ATP2C1: variants seen among roughly 807,000 people sequenced by gnomAD.
ATP2C1 encodes calcium-transporting ATPase type 2C member 1.
A neutral mutation model predicts 120.5 loss-of-function variants in ATP2C1; 31 were observed. The observed-to-expected ratio is 0.26, with a 90% CI of 0.19 to 0.35. The LOEUF is 0.35. ATP2C1 is among the 10% of genes least tolerant of loss of function. The pLI is 1.00. For missense variants in ATP2C1, 731 were observed against 1,107.5 expected (o/e 0.66, Z 4.83); for synonymous variants, 351 against 358.7 (o/e 0.98, Z 0.24).
Position 130,999,639 on chromosome 3 carries a change from C to A in ATP2C1, c.2609C>A (p.Thr870Asn). ...CCTCCGCTTCAGAAGGTTTTTCAGA[C>A]TGAGAGCCTAAGCATACTGGGTAAA... ...YFPPLQKVFQTESLSILDLLF... is the reference protein window; with the variant it reads ...YFPPLQKVFQNESLSILDLLF... The change falls in exon 27 of 28, where the codon ACT (threonine) becomes AAT (asparagine). Residue 870 changes from threonine to asparagine, a missense_variant. Thr to Asn is a moderately conservative substitution (Grantham distance 65, BLOSUM62 0). Around this residue, in one of 3 missense-constraint regions of ATP2C1, gnomAD observed 141 missense variants for 201.6 expected, o/e 0.70. Coordinates refer to ENST00000510168, the MANE Select transcript of ATP2C1 (RefSeq NM_001378687.1). 6.2e-7 allele frequency: 1 copy of A among 1,612,944 alleles called. No homozygotes were observed. The highest frequency in any genetic ancestry group is 8.5e-7 in the Non-Finnish European group (1 of 1,179,126).
At chr3:130,877,106 C>T (rs889338111) in intron 1 of ATP2C1, among the ~76,000 whole-genome samples, 31 of 152,128 alleles carry the variant, frequency 2.0e-4, no homozygotes, top group Non-Finnish European at 4.1e-4. Flanking sequence ...ATTTATTTCT[C>T]TTGCCTAATC....
At chr3:130,868,450 C>T (rs1448689406) in intron 1 of ATP2C1, 1 of 112,190 alleles carries the variant, frequency 8.9e-6, no homozygotes. Flanking sequence ...CCTGGCCAGC[C>T]GCCCCGTCCG....
At chr3:131,008,932 A>G (rs2063213635) in intron 26 of ATP2C1, among the ~76,000 whole-genome samples, 1 of 152,158 alleles carries the variant, frequency 6.6e-6, no homozygotes, top group Non-Finnish European at 1.5e-5. Flanking sequence ...CACATTATCA[A>G]GGCTTCTTGT....
intron 11 of ATP2C1, 72 bp from the exon 12 acceptor site, chr3:130,959,203 C>A (rs1019999013): frequency 2.6e-6 from 3 of 1,146,970 alleles, no homozygotes; most frequent in South Asian, 1.3e-5. Flanking sequence ...GTTTTAGATT[C>A]CTTCAGCTTG....
chr3:130,928,613 A>G (rs2059320763), intron 2 of ATP2C1, among the ~76,000 whole-genome samples: 2 of 152,204 alleles, frequency 1.3e-5, no homozygotes, highest in African/African-American at 4.8e-5. Flanking sequence ...TTTAGTCTGT[A>G]TTGACCTTGT....
chr3:130,930,301 A>G (rs1282673478), intron 2 of ATP2C1, 115 bp from the exon 3 acceptor site: 1 of 737,730 alleles, frequency 1.4e-6, no homozygotes, highest in South Asian at 1.5e-5. Context: ...ATTAGTCTGA[A>G]ATATTTTTCT....
chr3:130,979,173 A>C (rs1024768686), intron 18 of ATP2C1, 76 bp from the exon 19 acceptor site: 28 of 1,445,598 alleles, frequency 1.9e-5, no homozygotes, highest in Non-Finnish European at 2.4e-5. Flanking sequence ...ACTGTCTCCA[A>C]TTTCTATCAA....
At chr3:130,867,296 GTCCCTC>G (rs59581010) in intron 1 of ATP2C1, among the ~76,000 whole-genome samples, 1,812 of 134,942 alleles carry the variant, frequency 0.013, 60 homozygotes, top group African/African-American at 0.039. Context: ...AGAAATGATT[GTCCCTC>G]TCCCTCTCCC....
chr3:130,952,870 G>C (rs1350073911), intron 8 of ATP2C1, among the ~76,000 whole-genome samples: 2 of 152,174 alleles, frequency 1.3e-5, no homozygotes, highest in African/African-American at 4.8e-5. Flanking sequence ...GTTTGAGGTG[G>C]AGCAAAGGAC....
intron 2 of ATP2C1, among the ~76,000 whole-genome samples, chr3:130,895,562 G>A (rs2069542180): frequency 1.3e-5 from 2 of 152,016 alleles, no homozygotes; most frequent in South Asian, 4.1e-4. Flanking sequence ...TGACTTGTGC[G>A]TGATCATTTT....
intron 24 of ATP2C1, 22 bp downstream of exon 24, chr3:130,996,818 G>T (rs765491008): frequency 6.9e-7 from 1 of 1,458,722 alleles, no homozygotes; most frequent in Non-Finnish European, 9.6e-7. Flanking sequence ...TTAATTGCAT[G>T]AGCTGGAAAG....
At chr3:130,907,079 T>TACACACAC (rs55687116) in intron 2 of ATP2C1, among the ~76,000 whole-genome samples, 3 of 149,840 alleles carry the variant, frequency 2.0e-5, no homozygotes, top group African/African-American at 7.3e-5. Context: ...TATATGTGTG[T>TACACACAC]ACACACACAC....
At chr3:131,015,969 T>C (rs2063607083) in intron 26 of ATP2C1, 1 of 796,794 alleles carries the variant, frequency 1.3e-6, no homozygotes, top group Admixed American at 2.0e-5. Context: ...TTTAATATTT[T>C]TCCCGTTTCC....
At chr3:131,014,180 G>A (rs768626068) in intron 26 of ATP2C1, 1 of 1,613,378 alleles carries the variant, frequency 6.2e-7, no homozygotes, top group East Asian at 2.2e-5. Flanking sequence ...TCTTAGAACA[G>A]CTGGTATTCT....
intron 1 of ATP2C1, among the ~76,000 whole-genome samples, chr3:130,877,528 C>T (rs566862932): frequency 1.3e-5 from 2 of 152,032 alleles, no homozygotes; most frequent in Non-Finnish European, 2.9e-5. Context: ...GCCGACAGAC[C>T]CATGAAAAAA....
At position 130,894,564 on chromosome 3, in the gene ATP2C1, G is replaced by T; in HGVS notation, c.-180-26G>T. The T allele has an allele frequency of 7.0e-7, 1 of 1,428,844 alleles. No individual in the cohort carries two copies. Among genetic ancestry groups the T allele is most frequent in the Non-Finnish European group, 9.2e-7 (1 of 1,090,854 alleles). 88.5% of individuals were successfully genotyped at this position (1,428,844 alleles called of 1,614,324 possible). On this transcript the variant is annotated intron_variant, in intron 1 of 27. Coordinates refer to ENST00000510168, the MANE Select transcript of ATP2C1 (RefSeq NM_001378687.1). This position sits in a 1 kb window ranked among gnomAD's most constrained non-coding sequence, Gnocchi z 4.5. ...ACTCCTTCCTCAGCCTCTCGTCAGC[G>T]CCGCTTCTCCTGGTTTCTCTTGCAG...
Position 131,002,074 on chromosome 3 carries a change from G to T in ATP2C1, c.*724G>T, listed in dbSNP as rs145351517. The T allele has an allele frequency of 3.0e-6, 3 of 985,374 alleles. No homozygotes were observed. The African/African-American group carries it at 5.2e-5, about 17-fold the overall frequency. 61.0% of individuals were successfully genotyped at this position (985,374 alleles called of 1,614,324 possible). A position where few individuals can be genotyped will look rare whatever the true frequency, so the allele number is the denominator to read the frequency against. On this transcript the variant is annotated 3_prime_UTR_variant, in exon 28 of 28. Transcript: ENST00000510168. ...CAGAATTCATGCAGGGCTATCAAGT[G>T]GTGTTCTAGGGTAACAGTGTCCATA... is the stretch of plus-strand genomic sequence containing the variant.
intron 20 of ATP2C1, among the ~76,000 whole-genome samples, chr3:130,991,032 T>C (rs78974534): frequency 1.3e-5 from 2 of 152,222 alleles, no homozygotes; most frequent in East Asian, 3.9e-4. Flanking sequence ...AAAATGCATG[T>C]AAGTAAAATC....
exon 27 of ATP2C1, chr3:131,016,217 G>A: frequency 1.2e-6 from 2 of 1,614,146 alleles, no homozygotes; most frequent in Non-Finnish European, 1.7e-6. Flanking sequence ...AGACAGGACT[G>A]CCACTGACAG....
Sources: allele counts gnomAD v4.1 joint callset (sites outside exome capture counted in the v4.1 genomes callset), GRCh38; gene constraint gnomAD v4.1.1; regional missense constraint gnomAD v4.1.1; non-coding constraint Gnocchi (gnomAD v3.1); transcripts MANE v1.5; gene names NCBI Gene and HGNC (gene_info 2026-07-23, HGNC 2026-07-21).